PHACTR2: variants seen among roughly 807,000 people sequenced by gnomAD.
The protein encoded by PHACTR2 is phosphatase and actin regulator 2, also known as chromosome 6 open reading frame 56.
In PHACTR2, 30 loss-of-function variants were observed where a neutral mutation model predicts 76.0. That is an observed-to-expected ratio of 0.39 (90% CI 0.30 to 0.54). The LOEUF is 0.54. PHACTR2 is among the 20% of genes least tolerant of loss of function. The probability of loss-of-function intolerance (pLI) is 0.61; values close to 1 mark genes in which losing one functional copy is unlikely to be tolerated. For synonymous variants in PHACTR2, 292 were observed against 292.5 expected, an observed-to-expected ratio of 1.00 and a Z score of 0.02; for missense variants, 696 against 781.1, an observed-to-expected ratio of 0.89 and a Z score of 1.30.
At position 143,583,651 on chromosome 6, in the gene PHACTR2, T is replaced by C. The variant is rs1775597556; in HGVS notation, c.217+46444T>C. ...AGATATTATGTGCCTAATACTGTAA[T>C]TTTCCCAGAACTGATAGCTTGATTT... On this transcript the variant is annotated intron_variant, in intron 1 of 11. Transcript: ENST00000367584. The surrounding 1 kb of genome is among the most constrained non-coding windows in gnomAD (Gnocchi z 4.0). 6.6e-6 allele frequency among the ~76,000 whole-genome samples: 1 copy of C among 152,234 alleles called. No individual in the cohort carries two copies. Among genetic ancestry groups the C allele is most frequent in the Admixed American group, 6.5e-5 (1 of 15,286 alleles).
rs1356849666 is a variant in PHACTR2 at position 143,777,491 on chromosome 6, A to G, written c.1645+108A>G. 4 of 487,160 alleles carry G rather than the reference A, an allele frequency of 8.2e-6. No homozygotes were observed. The East Asian group carries it at 1.0e-4, about 12-fold the overall frequency. 30.2% of individuals were successfully genotyped at this position (487,160 alleles called of 1,614,324 possible). On this transcript the variant is annotated intron_variant, in intron 9 of 12. Transcript: ENST00000440869. The surrounding 1 kb of genome is among the most constrained non-coding windows in gnomAD (Gnocchi z 4.6). ...ACCATCATATATTCATTTACTCAAGATGGACTGAAATAGTCCATTTATGTC... is the reference window on the plus strand; with the variant it reads ...ACCATCATATATTCATTTACTCAAGGTGGACTGAAATAGTCCATTTATGTC...
At chr6:143,815,239 A>G (rs764712500) in intron 12 of PHACTR2, among the ~76,000 whole-genome samples, 12 of 152,248 alleles carry the variant, frequency 7.9e-5, no homozygotes, top group Non-Finnish European at 1.6e-4. Flanking sequence ...GAGCCCAGCC[A>G]GTGTGTGGTC....
chr6:143,829,335 G>C lies in PHACTR2; in HGVS notation c.*5646G>C, dbSNP rs1234288416. On this transcript the variant is annotated 3_prime_UTR_variant, in exon 13 of 13. Coordinates refer to ENST00000440869, the MANE Select transcript of PHACTR2 (RefSeq NM_001100164.2). ...CACTTGAACAAACCTGGTGGTCTTT[G>C]GAAATAAATCACCATTAGATTTCAC... The C allele has an allele frequency of 1.3e-5, 2 of 151,656 alleles. No individual in the cohort carries two copies. The highest frequency in any genetic ancestry group is 2.9e-5 in the Non-Finnish European group (2 of 67,972). The allele number at this position is 151,656 out of a possible 1,614,324, so 9.4% of individuals were successfully genotyped here.
At position 143,578,234 on chromosome 6, in the gene PHACTR2, G is replaced by A. The variant is rs2128432683; in HGVS notation, c.217+41027G>A. 6.6e-6 allele frequency among the ~76,000 whole-genome samples: 1 copy of A among 152,332 alleles called. No individual in the cohort carries two copies. Among genetic ancestry groups the A allele is most frequent in the East Asian group, 1.9e-4 (1 of 5,188 alleles). The stretch of plus-strand genomic sequence containing the variant: ...CCAGACCTCCATCCTCACGGTCCAG[G>A]ATGGGGAAGTCATAGCCAGATTTAG... On this transcript the variant is annotated intron_variant, in intron 1 of 11. Transcript: ENST00000367584. The surrounding 1 kb of genome is among the most constrained non-coding windows in gnomAD (Gnocchi z 4.5).
chr6:143,802,111 T>G (rs1775970125), intron 11 of PHACTR2, among the ~76,000 whole-genome samples: 1 of 152,224 alleles, frequency 6.6e-6, no homozygotes, highest in Non-Finnish European at 1.5e-5. Context: ...ATTTTAAACT[T>G]AGTTTCAGAC....
chr6:143,654,966 T>C lies in PHACTR2; in HGVS notation c.13+46644T>C, dbSNP rs533361432. ...TGAGGTCAGGAGTTCAAGACCAGCC[T>C]GGCCAACATGGAGAAACCCCATCTC... is the stretch of plus-strand genomic sequence containing the variant. On this transcript the variant is annotated intron_variant, in intron 1 of 11. Transcript: ENST00000305766. This position sits in a 1 kb window ranked among gnomAD's most constrained non-coding sequence, Gnocchi z 4.6. Among the ~76,000 whole-genome samples, 4 of 152,216 alleles carry C rather than the reference T, an allele frequency of 2.6e-5. No homozygotes were observed. Among genetic ancestry groups the C allele is most frequent in the Non-Finnish European group, 4.4e-5 (3 of 68,002 alleles).
chr6:143,678,036 A>G lies in PHACTR2; in HGVS notation c.-128A>G. 1.3e-6 allele frequency: 2 copies of G among 1,518,696 alleles called. No homozygotes were observed. Among genetic ancestry groups the G allele is most frequent in the Non-Finnish European group, 1.8e-6 (2 of 1,130,396 alleles). 94.1% of individuals were successfully genotyped at this position (1,518,696 alleles called of 1,614,324 possible). On this transcript the variant is annotated 5_prime_UTR_variant, in exon 1 of 13. Coordinates refer to ENST00000440869, the MANE Select transcript of PHACTR2 (RefSeq NM_001100164.2). The surrounding 1 kb of genome is among the most constrained non-coding windows in gnomAD (Gnocchi z 6.2). The stretch of plus-strand genomic sequence containing the variant: ...GGAGACCCGCGCGGGGTAGAAGGTG[A>G]GGGGACCCGGCGGGCCGCTCGGCAC...
In PHACTR2 at chr6:143,727,522, T is replaced by C. The variant is rs1024767500; in HGVS notation, c.214+15339T>C. 3.3e-5 allele frequency among the ~76,000 whole-genome samples: 5 copies of C among 149,362 alleles called. No homozygotes were observed. The South Asian group carries it at 1.1e-3, about 32-fold the overall frequency. On this transcript the variant is annotated intron_variant, in intron 2 of 12. Transcript: ENST00000440869. Reference sequence around the variant, plus strand: ...ATATGGTGGCTCTATTTTTAGTTTTTTTGAGAAACCTCCATACTGTTTTCT... The same window carrying C: ...ATATGGTGGCTCTATTTTTAGTTTTCTTGAGAAACCTCCATACTGTTTTCT...
Position 143,772,474 on chromosome 6 carries a change from G to A in PHACTR2, c.1432+17G>A. On this transcript the variant is annotated intron_variant, in intron 7 of 12. Transcript: ENST00000440869. The surrounding 1 kb of genome is among the most constrained non-coding windows in gnomAD (Gnocchi z 5.4). The stretch of plus-strand genomic sequence containing the variant: ...GTGGAGAAAGTAAGACTGTTTTCAA[G>A]AGGCAGGGAGGAGCGTGGGTGATAA... The A allele has an allele frequency of 6.3e-7, 1 of 1,592,276 alleles. No homozygotes were observed. The highest frequency in any genetic ancestry group is 8.6e-7 in the Non-Finnish European group (1 of 1,161,958).
At chr6:143,632,721 A>G (rs1295898588) in intron 1 of PHACTR2, among the ~76,000 whole-genome samples, 1 of 152,220 alleles carries the variant, frequency 6.6e-6, no homozygotes, top group East Asian at 1.9e-4. Flanking sequence ...TATATACAGT[A>G]GTTTTTCTGA....
At chr6:143,607,657 G>T (rs1299510156), upstream of PHACTR2, among the ~76,000 whole-genome samples, 3 of 152,284 alleles carry the variant, frequency 2.0e-5, no homozygotes, top group Admixed American at 1.3e-4. Context: ...TAACTAAAAT[G>T]GAATGGCAAT....
Position 143,743,617 on chromosome 6 carries a change from T to G in PHACTR2, c.215-5368T>G, listed in dbSNP as rs1778992681. Reference sequence around the variant, plus strand: ...AGATCTTGTTAAAAGCAGACCATTTTCTGACATTCTGTTTTCTGCAACTGC... The same window carrying G: ...AGATCTTGTTAAAAGCAGACCATTTGCTGACATTCTGTTTTCTGCAACTGC... On this transcript the variant is annotated intron_variant, in intron 2 of 12. Coordinates refer to ENST00000440869, the MANE Select transcript of PHACTR2 (RefSeq NM_001100164.2). This position sits in a 1 kb window ranked among gnomAD's most constrained non-coding sequence, Gnocchi z 5.0. Among the ~76,000 whole-genome samples, 2 of 152,180 alleles carry G rather than the reference T, an allele frequency of 1.3e-5. No homozygotes were observed. The highest frequency in any genetic ancestry group is 2.4e-5 in the African/African-American group (1 of 41,426).
intron 3 of PHACTR2, among the ~76,000 whole-genome samples, chr6:143,752,154 TTAATA>T (rs1235160981): frequency 2.0e-5 from 3 of 152,146 alleles, no homozygotes; most frequent in Non-Finnish European, 2.9e-5. Flanking sequence ...CTAAAGAATT[TTAATA>T]TAATAATGCT....
chr6:143,567,183 A>G (rs577808061), intron 1 of PHACTR2, among the ~76,000 whole-genome samples: 142 of 152,140 alleles, frequency 9.3e-4, no homozygotes, highest in Middle Eastern at 3.4e-3. Flanking sequence ...TTAGCGCCCC[A>G]AGTATTCTGG....
In PHACTR2 at chr6:143,550,334, G is replaced by A. The variant is rs1775079488; in HGVS notation, c.217+13127G>A. On this transcript the variant is annotated intron_variant, in intron 1 of 11. Coordinates refer to the PHACTR2 transcript ENST00000367584. This position sits in a 1 kb window ranked among gnomAD's most constrained non-coding sequence, Gnocchi z 4.8. ...TTCAAGGGAAGCAAGTCTGTATGGA[G>A]AGCTTTTAATGGGCCTGTCAACTAT... 6.6e-6 allele frequency among the ~76,000 whole-genome samples: 1 copy of A among 152,012 alleles called. No individual in the cohort carries two copies. Among genetic ancestry groups the A allele is most frequent in the Admixed American group, 6.6e-5 (1 of 15,242 alleles).
At position 143,664,393 on chromosome 6, in the gene PHACTR2, C is replaced by T. The variant is rs1210592142; in HGVS notation, c.14-47623C>T. On this transcript the variant is annotated intron_variant, in intron 1 of 11. Transcript: ENST00000305766. The surrounding 1 kb of genome is among the most constrained non-coding windows in gnomAD (Gnocchi z 5.1). ...ATTAGATAAGAAAGCTTATTCCTTTCATATTTATTGAGATTACTAATTTGG... is the reference window on the plus strand; with the variant it reads ...ATTAGATAAGAAAGCTTATTCCTTTTATATTTATTGAGATTACTAATTTGG... 1.3e-5 allele frequency among the ~76,000 whole-genome samples: 2 copies of T among 152,068 alleles called. No homozygotes were observed. Among genetic ancestry groups the T allele is most frequent in the Admixed American group, 1.3e-4 (2 of 15,266 alleles).
At chr6:143,673,598 A>T (rs1227828316), upstream of PHACTR2, among the ~76,000 whole-genome samples, 1 of 152,090 alleles carries the variant, frequency 6.6e-6, no homozygotes, top group Non-Finnish European at 1.5e-5. Context: ...ATTTTATAGC[A>T]GTTTTTAGAG....
chr6:143,805,761 A>G (rs1187466227), intron 11 of PHACTR2, among the ~76,000 whole-genome samples: 1 of 152,222 alleles, frequency 6.6e-6, no homozygotes, highest in Non-Finnish European at 1.5e-5. Flanking sequence ...TTCTCCATAG[A>G]AACTACAGGG....
At position 143,697,659 on chromosome 6, in the gene PHACTR2, A is replaced by G. The variant is rs974128089; in HGVS notation, c.47-14357A>G. ...TTCAAACATTAGTGTTTGTTATATT[A>G]TCTTTCAAAATATTTGGAATTCTAC... is the stretch of plus-strand genomic sequence containing the variant. On this transcript the variant is annotated intron_variant, in intron 1 of 12. Coordinates refer to ENST00000440869, the MANE Select transcript of PHACTR2 (RefSeq NM_001100164.2). This position sits in a 1 kb window ranked among gnomAD's most constrained non-coding sequence, Gnocchi z 4.4. 1.3e-5 allele frequency among the ~76,000 whole-genome samples: 2 copies of G among 152,218 alleles called. No homozygotes were observed. The highest frequency in any genetic ancestry group is 6.5e-5 in the Admixed American group (1 of 15,278).
Sources: allele counts gnomAD v4.1 joint callset (sites outside exome capture counted in the v4.1 genomes callset), GRCh38; gene constraint gnomAD v4.1.1; non-coding constraint Gnocchi (gnomAD v3.1); transcripts MANE v1.5; gene names NCBI Gene and HGNC (gene_info 2026-07-23, HGNC 2026-07-21).